IMMP2L: variants seen among roughly 807,000 people sequenced by gnomAD.
IMMP2L encodes inner mitochondrial membrane peptidase subunit 2.
In IMMP2L, 18 loss-of-function variants were observed where a neutral mutation model predicts 19.3. The ratio of observed to expected loss-of-function variants is 0.93; its 90% CI spans 0.64 to 1.38. The LOEUF (loss-of-function observed/expected upper bound fraction) is 1.38, where lower values mean the gene tolerates loss of function less well. IMMP2L is among the 40% of genes most tolerant of loss of function. IMMP2L has a pLI of 0.00. For synonymous variants in IMMP2L, 76 were observed against 73.0 expected (o/e 1.04, Z -0.21); for missense variants, 233 against 218.2 (o/e 1.07, Z -0.43).
chr7:111,019,148 T>C (rs915263643), intron 3 of IMMP2L, among the ~76,000 whole-genome samples: 2 of 152,090 alleles, frequency 1.3e-5, no homozygotes, highest in Non-Finnish European at 2.9e-5. Context: ...AATAAATGTG[T>C]TGAATGAGGA....
At chr7:111,315,982 C>T (rs1824026083) in intron 3 of IMMP2L, among the ~76,000 whole-genome samples, 1 of 152,098 alleles carries the variant, frequency 6.6e-6, no homozygotes, top group African/African-American at 2.4e-5. Context: ...GGTATACTTA[C>T]ACAAACATAG....
intron 3 of IMMP2L, among the ~76,000 whole-genome samples, chr7:111,055,811 A>G (rs774313381): frequency 2.6e-5 from 4 of 152,210 alleles, no homozygotes; most frequent in Admixed American, 6.5e-5. Context: ...ACCAGTAACT[A>G]TGCATATATC....
intron 3 of IMMP2L, among the ~76,000 whole-genome samples, chr7:111,209,808 T>TG (rs1253055095): frequency 2.0e-5 from 3 of 152,030 alleles, no homozygotes; most frequent in African/African-American, 7.3e-5. Context: ...CAGAAAGAGG[T>TG]GGGCAGGACA....
At chr7:111,195,462 A>T (rs997455363) in intron 3 of IMMP2L, among the ~76,000 whole-genome samples, 1 of 152,132 alleles carries the variant, frequency 6.6e-6, no homozygotes, top group Non-Finnish European at 1.5e-5. Flanking sequence ...TATAGGAGGT[A>T]ACACTACTAG....
At chr7:111,459,864 G>C (rs78185435) in intron 3 of IMMP2L, among the ~76,000 whole-genome samples, 4,029 of 152,208 alleles carry the variant, frequency 0.026, 71 homozygotes, top group Non-Finnish European at 0.038. Flanking sequence ...TCCTAAGAAA[G>C]AATATGGAGC....
chr7:111,120,225 G>T lies in IMMP2L; in HGVS notation c.240-156660C>A, dbSNP rs573085056. Among the ~76,000 whole-genome samples the T allele has an allele frequency of 7.2e-5, 11 of 152,210 alleles. No homozygotes were observed. The South Asian group carries it at 2.3e-3, about 32-fold the overall frequency. On this transcript the variant is annotated intron_variant, in intron 3 of 5. Transcript: ENST00000405709. ...GATTGCATTAATCCGTTCTCATGCT[G>T]CTAATAGAGACATATCCAAGACTGA...
At chr7:110,699,336 T>C (rs1447013159) in intron 5 of IMMP2L, among the ~76,000 whole-genome samples, 2 of 152,216 alleles carry the variant, frequency 1.3e-5, no homozygotes, top group Non-Finnish European at 2.9e-5. Context: ...GAGCCTATGA[T>C]GCCTAGGAAG....
chr7:111,192,254 T>C (rs1808964291), intron 3 of IMMP2L, among the ~76,000 whole-genome samples: 1 of 152,164 alleles, frequency 6.6e-6, no homozygotes, highest in African/African-American at 2.4e-5. Context: ...CATATTCCCA[T>C]ATATTATTTA....
At chr7:111,086,106 C>G (rs1796301569) in intron 3 of IMMP2L, among the ~76,000 whole-genome samples, 1 of 151,848 alleles carries the variant, frequency 6.6e-6, no homozygotes, top group South Asian at 2.1e-4. Context: ...TGCACATATA[C>G]CCCTGAACTT....
At chr7:111,338,559 C>T (rs956224291) in intron 3 of IMMP2L, among the ~76,000 whole-genome samples, 2 of 151,994 alleles carry the variant, frequency 1.3e-5, no homozygotes, top group Non-Finnish European at 2.9e-5. Context: ...AAATAAATTG[C>T]TTTACCTACT....
chr7:110,715,537 C>G (rs1410981492), intron 5 of IMMP2L, among the ~76,000 whole-genome samples: 2 of 152,106 alleles, frequency 1.3e-5, no homozygotes, highest in Admixed American at 6.6e-5. Context: ...AAAAATCATT[C>G]AGGAGCAAAT....
In IMMP2L at chr7:110,924,745, A is replaced by G. The variant is rs1814671293; in HGVS notation, c.306-38050T>C. Among the ~76,000 whole-genome samples, 1 of 152,134 alleles carries G rather than the reference A, an allele frequency of 6.6e-6. No homozygotes were observed. Among genetic ancestry groups the G allele is most frequent in the Non-Finnish European group, 1.5e-5 (1 of 68,026 alleles). Reference sequence around the variant, plus strand: ...GTGCTTTGGAAGGTACAGGAACAGCATTTCCCACCTTTTATCCCATCTACG... The same window carrying G: ...GTGCTTTGGAAGGTACAGGAACAGCGTTTCCCACCTTTTATCCCATCTACG... On this transcript the variant is annotated intron_variant, in intron 4 of 5. Transcript: ENST00000405709. This position sits in a 1 kb window ranked among gnomAD's most constrained non-coding sequence, Gnocchi z 4.2.
chr7:111,524,216 T>C (rs1846616787), intron 1 of IMMP2L, among the ~76,000 whole-genome samples: 1 of 152,034 alleles, frequency 6.6e-6, no homozygotes, highest in Admixed American at 6.6e-5. Context: ...AAAAACGGAA[T>C]GACCTCCACA....
intron 4 of IMMP2L, among the ~76,000 whole-genome samples, chr7:110,933,017 A>G (rs1815685150): frequency 6.6e-6 from 1 of 152,232 alleles, no homozygotes. Context: ...GAAGATTGCT[A>G]TTACTGTGCT....
At chr7:111,045,328 C>T (rs1418962265) in intron 3 of IMMP2L, among the ~76,000 whole-genome samples, 5 of 152,200 alleles carry the variant, frequency 3.3e-5, no homozygotes, top group Non-Finnish European at 7.3e-5. Context: ...TTCTTCATTT[C>T]TAATGACACA....
chr7:110,943,672 G>A (rs1816952331), intron 4 of IMMP2L, among the ~76,000 whole-genome samples: 1 of 151,978 alleles, frequency 6.6e-6, no homozygotes, highest in Non-Finnish European at 1.5e-5. Flanking sequence ...ACATATAATG[G>A]AGCAAGAAAC....
chr7:111,225,691 CAAAAAAAA>C, intron 3 of IMMP2L, among the ~76,000 whole-genome samples: 1 of 112,642 alleles, frequency 8.9e-6, no homozygotes, highest in Non-Finnish European at 1.8e-5. Context: ...GAGATAGAGC[CAAAAAAAA>C]AAAAAAAAAA....
chr7:111,141,462 T>C (rs1300520670), intron 3 of IMMP2L, among the ~76,000 whole-genome samples: 1 of 151,912 alleles, frequency 6.6e-6, no homozygotes, highest in East Asian at 1.9e-4. Context: ...TATAATTTTG[T>C]ATTCCCTACA....
intron 3 of IMMP2L, among the ~76,000 whole-genome samples, chr7:111,106,435 A>T (rs2129581524): frequency 6.6e-6 from 1 of 151,920 alleles, no homozygotes; most frequent in South Asian, 2.1e-4. Context: ...TGGTTTTGAG[A>T]AACTCTCTAA....
Sources: gnomAD v4.1 joint callset for allele counts (sites outside exome capture counted in the v4.1 genomes callset) on GRCh38, gnomAD v4.1.1 for gene constraint, Gnocchi (gnomAD v3.1) non-coding constraint, MANE v1.5 for transcripts, NCBI Gene and HGNC (gene_info 2026-07-23, HGNC 2026-07-21) for gene names.